Variants in IGFL2 observed in about 807,000 individuals in gnomAD.
IGFL2 encodes insulin growth factor-like family member 2.
A neutral mutation model predicts 13.9 loss-of-function variants in IGFL2; 7 were observed. The ratio of observed to expected loss-of-function variants is 0.51; its 90% confidence interval spans 0.29 to 0.95. IGFL2 has a LOEUF of 0.95. IGFL2 is among the 40% of genes least tolerant of loss of function. IGFL2 has a pLI of 0.08. For missense variants in IGFL2, 138 were observed against 147.8 expected, an observed-to-expected ratio of 0.93 and a Z score of 0.34; for synonymous variants, 55 against 55.8, an observed-to-expected ratio of 0.99 and a Z score of 0.07.
chr19:46,158,959 G>A (rs1973978914), intron 1 of IGFL2: 2 of 152,196 alleles, frequency 1.3e-5, no homozygotes, highest in Admixed American at 1.3e-4. Flanking sequence ...CTTCCTCATA[G>A]GCATTGGTTT....
the IGFL2 span, among the ~76,000 whole-genome samples, chr19:46,199,255 TAAAC>T: frequency 1.3e-5 from 2 of 152,150 alleles, no homozygotes; most frequent in Non-Finnish European, 2.9e-5. Context: ...ATGGGAGAAT[TAAAC>T]AAATGTCTGT....
the IGFL2 span, among the ~76,000 whole-genome samples, chr19:46,096,836 T>TTC: frequency 1.3e-5 from 2 of 152,222 alleles, no homozygotes; most frequent in African/African-American, 4.8e-5. Flanking sequence ...GATTTGCATA[T>TTC]GTTGAACCAG....
rs1012961436 is a variant in IGFL2 at position 46,148,302 on chromosome 19, G to A, written c.19+5G>A. The A allele has an allele frequency of 6.4e-7, 1 of 1,551,206 alleles. No homozygotes were observed. Among genetic ancestry groups the A allele is most frequent in the African/African-American group, 1.4e-5 (1 of 73,012 alleles). On this transcript the variant is annotated splice_donor_5th_base_variant and intron_variant, in intron 1 of 3. Coordinates refer to ENST00000377693, the MANE Select transcript of IGFL2 (RefSeq NM_001135113.2). ...CCATGGTGCCCAGAATCTTCGGTAA[G>A]GTAACCCTTGCCCCAGGTTGAGCTA...
At chr19:46,125,289 C>G in the IGFL2 span, among the ~76,000 whole-genome samples, 1 of 152,172 alleles carries the variant, frequency 6.6e-6, no homozygotes, top group Non-Finnish European at 1.5e-5. Flanking sequence ...TGTGAGGATT[C>G]AGAGACCTCC....
At chr19:46,131,589 T>C in the IGFL2 span, among the ~76,000 whole-genome samples, 1 of 152,194 alleles carries the variant, frequency 6.6e-6, no homozygotes, top group Non-Finnish European at 1.5e-5. Flanking sequence ...ACCCATTTAA[T>C]TTTACGTAAA....
At chr19:46,172,822 A>G in the IGFL2 span, among the ~76,000 whole-genome samples, 2 of 152,108 alleles carry the variant, frequency 1.3e-5, no homozygotes, top group East Asian at 1.9e-4. Flanking sequence ...GGTTCATGCA[A>G]TCCTACCACC....
the IGFL2 span, among the ~76,000 whole-genome samples, chr19:46,194,469 A>G: frequency 6.6e-6 from 1 of 152,134 alleles, no homozygotes; most frequent in Non-Finnish European, 1.5e-5. Context: ...GTCTGATCCC[A>G]TTCTGCTGCA....
At chr19:46,136,452 CAAGA>C in the IGFL2 span, among the ~76,000 whole-genome samples, 1 of 151,896 alleles carries the variant, frequency 6.6e-6, no homozygotes, top group African/African-American at 2.4e-5. Context: ...AAAAAAATAA[CAAGA>C]AAGGAGAAGG....
At chr19:46,090,944 T>C in the IGFL2 span, among the ~76,000 whole-genome samples, 1 of 152,122 alleles carries the variant, frequency 6.6e-6, no homozygotes, top group African/African-American at 2.4e-5. Flanking sequence ...TTCCTCTCTT[T>C]CCACCAAGCA....
At chr19:46,085,354 T>G in the IGFL2 span, among the ~76,000 whole-genome samples, 1 of 152,246 alleles carries the variant, frequency 6.6e-6, no homozygotes, top group Non-Finnish European at 1.5e-5. Context: ...TAGTTAAGTC[T>G]TCTTGTTGAA....
chr19:46,163,848 A>G (rs997319590), downstream of IGFL2: 17 of 152,512 alleles, frequency 1.1e-4, no homozygotes, highest in Admixed American at 9.8e-4. Context: ...GTTGCCTCAG[A>G]TAGTCCAGTA....
chr19:46,193,929 T>C, the IGFL2 span, among the ~76,000 whole-genome samples: 80 of 152,292 alleles, frequency 5.3e-4, no homozygotes, highest in Non-Finnish European at 8.8e-4. Context: ...AACATGTTAA[T>C]AGCTCCTTCA....
the IGFL2 span, among the ~76,000 whole-genome samples, chr19:46,099,824 G>C: frequency 0.2 from 30,168 of 151,718 alleles, 4,497 homozygotes; most frequent in African/African-American, 0.42. Context: ...CCGAGCCTGT[G>C]CTTGTTCATT....
the IGFL2 span, among the ~76,000 whole-genome samples, chr19:46,116,803 A>G: frequency 6.6e-6 from 1 of 152,226 alleles, no homozygotes; most frequent in African/African-American, 2.4e-5. Context: ...TTGTGGAAAG[A>G]TTAAATCAAG....
At chr19:46,205,387 T>C in the IGFL2 span, among the ~76,000 whole-genome samples, 2 of 152,098 alleles carry the variant, frequency 1.3e-5, no homozygotes, top group African/African-American at 4.8e-5. Context: ...TCCAACCACA[T>C]GCACAGTAGA....
chr19:46,202,969 C>G, the IGFL2 span: 1 of 152,134 alleles, frequency 6.6e-6, no homozygotes, highest in African/African-American at 2.4e-5. Flanking sequence ...AGGTCTTCGG[C>G]ACCAAATGTC....
chr19:46,143,575 A>G (rs951041339), upstream of IGFL2, among the ~76,000 whole-genome samples: 26 of 151,930 alleles, frequency 1.7e-4, no homozygotes, highest in African/African-American at 6.3e-4. Context: ...CAGTAGTTAC[A>G]TTTTCAGGAA....
chr19:46,189,859 T>A, the IGFL2 span: 4 of 152,210 alleles, frequency 2.6e-5, no homozygotes, highest in Non-Finnish European at 5.9e-5. Context: ...TTATTTTATA[T>A]GTTTTCTTTA....
chr19:46,209,781 A>C, the IGFL2 span: 5 of 152,208 alleles, frequency 3.3e-5, no homozygotes, highest in African/African-American at 1.2e-4. Flanking sequence ...ATTCCTGCAA[A>C]GAAGAAGAAG....
Sources: allele counts gnomAD v4.1 joint callset (sites outside exome capture counted in the v4.1 genomes callset), GRCh38; gene constraint gnomAD v4.1.1; transcripts MANE v1.5; gene names NCBI Gene and HGNC (gene_info 2026-07-23, HGNC 2026-07-21).